Variants in RABL6 observed in about 807,000 individuals in gnomAD.
RABL6 encodes RAB, member RAS oncogene family like 6.
RABL6 carries 28 observed loss-of-function variants against 72.9 expected under a neutral mutation model. The observed-to-expected ratio is 0.38, with a 90% CI of 0.28 to 0.53. The LOEUF is 0.53. Among genes scored for constraint, RABL6 ranks in the 20% least tolerant of loss-of-function variants. RABL6 has a pLI of 0.80. For synonymous variants in RABL6, 477 were observed against 421.2 expected, an observed-to-expected ratio of 1.13 and a Z score of -1.62; for missense variants, 1,029 against 1,008.4, an observed-to-expected ratio of 1.02 and a Z score of -0.28.
intron 4 of RABL6, 131 bp from the exon 5 acceptor site, chr9:136,829,262 A>G (rs1848421151): frequency 5.5e-6 from 4 of 725,910 alleles, no homozygotes; most frequent in East Asian, 5.4e-5. Context: ...TCTCTTCAGC[A>G]TATCGTTTCC....
At chr9:136,821,506 G>T (rs1848236309) in intron 1 of RABL6, 1 of 985,414 alleles carries the variant, frequency 1.0e-6, no homozygotes, top group Non-Finnish European at 1.2e-6. Context: ...GCCCAGCGAG[G>T]CTATGCGTGC....
In RABL6 at chr9:136,839,732, T is replaced by G. The variant is rs1848653789; in HGVS notation, c.1797T>G (p.Thr599=). The G allele has an allele frequency of 6.2e-7, 1 of 1,607,636 alleles. No individual in the cohort carries two copies. Among genetic ancestry groups the G allele is most frequent in the South Asian group, 1.1e-5 (1 of 90,628 alleles). ...TGCGAGATGACCCCTCCGATGTGACTGACGAGGATGAGGGCCCTGCCGAGC... is the reference window on the plus strand; with the variant it reads ...TGCGAGATGACCCCTCCGATGTGACGGACGAGGATGAGGGCCCTGCCGAGC... ...FPVRDDPSDV[T]DEDEGPAEPP... is the part of the protein sequence containing the mutation. Residue 599 remains threonine (T), a synonymous_variant, in exon 13 of 15, where the codon ACT becomes ACG. Coordinates refer to ENST00000311502, the MANE Select transcript of RABL6 (RefSeq NM_024718.5).
intron 5 of RABL6, 43 bp from the exon 6 acceptor site, chr9:136,831,678 T>C (rs748989185): frequency 2.5e-6 from 4 of 1,608,860 alleles, no homozygotes; most frequent in Non-Finnish European, 3.4e-6. Context: ...GGACAGGGCG[T>C]CGCAGGGCTG....
chr9:136,824,131 C>T (rs961301179), intron 2 of RABL6, among the ~76,000 whole-genome samples: 1 of 152,020 alleles, frequency 6.6e-6, no homozygotes, highest in Non-Finnish European at 1.5e-5. Context: ...GGGATAGACC[C>T]CTCCCCCAGG....
At chr9:136,831,599 G>A in intron 5 of RABL6, 122 bp from the exon 6 acceptor site, 1 of 1,403,224 alleles carries the variant, frequency 7.1e-7, no homozygotes, top group Non-Finnish European at 9.8e-7. Flanking sequence ...TGCTTCTGCT[G>A]GGTTGGATGT....
Position 136,821,819 on chromosome 9 carries a change from G to A in RABL6, c.131-1706G>A, listed in dbSNP as rs1848243818. Reference sequence around the variant, plus strand: ...CCGCGGGAGAGGGAGGGGAACGAGGGCCCAGCCTTCCGCGGGGTGGGCTCG... The same window carrying A: ...CCGCGGGAGAGGGAGGGGAACGAGGACCCAGCCTTCCGCGGGGTGGGCTCG... On this transcript the variant is annotated intron_variant, in intron 1 of 14. Transcript: ENST00000311502. 4 of 1,189,524 alleles carry A rather than the reference G, an allele frequency of 3.4e-6. No individual in the cohort carries two copies. The South Asian group carries it at 4.6e-5, about 14-fold the overall frequency. The allele number at this position is 1,189,524 out of a possible 1,614,324, so 73.7% of individuals were successfully genotyped here.
At chr9:136,832,112 T>C in intron 6 of RABL6, 153 bp from the exon 7 acceptor site, 1 of 881,598 alleles carries the variant, frequency 1.1e-6, no homozygotes, top group South Asian at 1.7e-5. Flanking sequence ...GCACTCGGCT[T>C]AGCTGCTTAG....
At chr9:136,814,249 GGT>G in intron 1 of RABL6, 3 of 199,216 alleles carry the variant, frequency 1.5e-5, no homozygotes. Context: ...GGAGTGCAAT[GGT>G]GCTCACTGCA....
chr9:136,825,940 GCCCA>G, intron 3 of RABL6, 114 bp downstream of exon 3: 2 of 1,282,142 alleles, frequency 1.6e-6, no homozygotes, highest in Non-Finnish European at 2.2e-6. Context: ...CGTGGACGGT[GCCCA>G]GGGTCTTGCT....
At position 136,837,507 on chromosome 9, in the gene RABL6, C is replaced by T. The variant is rs1161574012; in HGVS notation, c.971C>T (p.Pro324Leu). 4 of 1,542,044 alleles carry T rather than the reference C, an allele frequency of 2.6e-6. No individual in the cohort carries two copies. Among genetic ancestry groups the T allele is most frequent in the South Asian group, 1.2e-5 (1 of 83,980 alleles). The change falls in exon 9 of 15, where the codon CCC becomes CTC. Residue 324 changes from proline (P) to leucine (L), a missense_variant. Transcript: ENST00000311502. ...PGTPQPAPQL[P>L]LNAAPPSSVP... Reference sequence around the variant, plus strand: ...ACACCCCAGCCCGCCCCACAGCTGCCCCTCAATGCCGCCCCACCATCCTCT... The same window carrying T: ...ACACCCCAGCCCGCCCCACAGCTGCTCCTCAATGCCGCCCCACCATCCTCT...
intron 3 of RABL6, chr9:136,828,073 A>T (rs939156232): frequency 1.1e-4 from 18 of 168,438 alleles, no homozygotes; most frequent in African/African-American, 4.3e-4. Flanking sequence ...CCGTGCGCTC[A>T]TCTCCCCACT....
intron 12 of RABL6, 64 bp downstream of exon 12, chr9:136,839,550 T>C: frequency 6.4e-7 from 1 of 1,568,480 alleles, no homozygotes; most frequent in Non-Finnish European, 8.7e-7. Context: ...ACAGGCCTGA[T>C]CTGGGTGGGT....
intron 3 of RABL6, chr9:136,827,859 C>T (rs1226121508): frequency 6.6e-6 from 1 of 152,372 alleles, no homozygotes; most frequent in East Asian, 1.9e-4. Flanking sequence ...GAGCCTTTAT[C>T]CTCAGGTCAG....
intron 1 of RABL6, among the ~76,000 whole-genome samples, chr9:136,818,017 G>A (rs1160545238): frequency 1.4e-5 from 2 of 143,434 alleles, no homozygotes; most frequent in Non-Finnish European, 3.0e-5. Context: ...AGCTGAGATC[G>A]CGCCGCTGCA....
At chr9:136,833,746 G>T in intron 7 of RABL6, 1 of 1,550,504 alleles carries the variant, frequency 6.4e-7, no homozygotes, top group Non-Finnish European at 8.7e-7. Context: ...CCCAGGAAAG[G>T]GGCTGTGCTG....
chr9:136,812,247 A>T (rs888666795), intron 1 of RABL6, among the ~76,000 whole-genome samples: 2 of 152,086 alleles, frequency 1.3e-5, no homozygotes, highest in African/African-American at 4.8e-5. Context: ...CTGAGTAGAC[A>T]CTGGTGCGAA....
In RABL6 at chr9:136,831,953, C is replaced by CGTT. The variant is rs773534214; in HGVS notation, c.599+93_599+95dup. 106 of 1,471,532 alleles carry CGTT rather than the reference C, an allele frequency of 7.2e-5. No individual in the cohort carries two copies. In the East Asian group the frequency reaches 2.5e-3, roughly 35 times the overall value. 91.2% of individuals were successfully genotyped at this position (1,471,532 alleles called of 1,614,324 possible). A position where few individuals can be genotyped will look rare whatever the true frequency, so the allele number is the denominator to read the frequency against. On this transcript the variant is annotated intron_variant, in intron 6 of 14. Transcript: ENST00000311502. ...AGGCAGAGGCCCAGGGAGGGGTTAACGTTAGCATGGGGCCCGGCGGATGTG... is the reference window on the plus strand; with the variant it reads ...AGGCAGAGGCCCAGGGAGGGGTTAACGTTGTTAGCATGGGGCCCGGCGGATGTG...
chr9:136,822,603 G>A (rs1338858599), intron 1 of RABL6, among the ~76,000 whole-genome samples: 6 of 152,150 alleles, frequency 3.9e-5, no homozygotes, highest in Non-Finnish European at 7.4e-5. Context: ...CCCGTTCTGA[G>A]CCACCTCCCG....
At position 136,840,367 on chromosome 9, in the gene RABL6, A is replaced by AAGGACAAGGAGG; in HGVS notation, c.2039_2050dup (p.Asp680_Glu683dup). 1.3e-6 allele frequency: 2 copies of AAGGACAAGGAGG among 1,557,100 alleles called. No homozygotes were observed. Among genetic ancestry groups the AAGGACAAGGAGG allele is most frequent in the Non-Finnish European group, 1.7e-6 (2 of 1,150,650 alleles). ...GAAGAAGAGCAAACACAAGAAGAGCAAGGACAAGGAGGAGGGCAAGGAGGA... is the reference window on the plus strand; with the variant it reads ...GAAGAAGAGCAAACACAAGAAGAGCAAGGACAAGGAGGAGGACAAGGAGGAGGGCAAGGAGGA... On this transcript the variant is annotated inframe_insertion, in exon 15 of 15. Transcript: ENST00000311502.
Sources: gnomAD v4.1 joint callset for allele counts (sites outside exome capture counted in the v4.1 genomes callset) on GRCh38, gnomAD v4.1.1 for gene constraint, MANE v1.5 for transcripts, NCBI Gene and HGNC (gene_info 2026-07-23, HGNC 2026-07-21) for gene names.